CTNNA3: variants seen among roughly 807,000 people sequenced by gnomAD.
The protein encoded by CTNNA3 is catenin alpha 3.
Under a neutral mutation model 95.7 loss-of-function variants are expected in CTNNA3, and 76 were observed. That is an observed-to-expected ratio of 0.79 (90% CI 0.66 to 0.96). The LOEUF is 0.96. Ranked by LOEUF, CTNNA3 falls within the 40% of genes least tolerant of loss-of-function variation. CTNNA3 has a pLI of 0.00. For missense variants in CTNNA3, 1,191 were observed against 1,089.8 expected, an observed-to-expected ratio of 1.09 and a Z score of -1.31; for synonymous variants, 431 against 374.4, an observed-to-expected ratio of 1.15 and a Z score of -1.74.
At chr10:66,823,495 G>A (rs2132298018) in intron 7 of CTNNA3, among the ~76,000 whole-genome samples, 1 of 152,304 alleles carries the variant, frequency 6.6e-6, no homozygotes, top group South Asian at 2.1e-4. Flanking sequence ...CTAGTGGTCA[G>A]GCAGCTGGAG....
At chr10:66,817,438 A>G (rs966953654) in intron 7 of CTNNA3, among the ~76,000 whole-genome samples, 6 of 151,990 alleles carry the variant, frequency 3.9e-5, no homozygotes, top group African/African-American at 1.4e-4. Flanking sequence ...AACAACAAAA[A>G]AGAGAGAATT....
chr10:66,443,667 C>T (rs2093393241), intron 11 of CTNNA3, among the ~76,000 whole-genome samples: 1 of 151,880 alleles, frequency 6.6e-6, no homozygotes, highest in South Asian at 2.1e-4. Context: ...ACCAAAAACC[C>T]ATCTGTACGT....
intron 3 of CTNNA3, among the ~76,000 whole-genome samples, chr10:67,584,299 A>G (rs913842999): frequency 2.4e-4 from 36 of 152,212 alleles, no homozygotes; most frequent in Admixed American, 2.4e-3. Context: ...CAGGACCCTC[A>G]GGTGCAGGTC....
intron 17 of CTNNA3, among the ~76,000 whole-genome samples, chr10:65,950,073 T>G (rs2077584078): frequency 6.6e-6 from 1 of 152,124 alleles, no homozygotes; most frequent in South Asian, 2.1e-4. Context: ...TAATTATTAC[T>G]AGGAGTTATT....
At chr10:66,154,786 CTAT>C (rs2133914974) in intron 13 of CTNNA3, among the ~76,000 whole-genome samples, 1 of 131,908 alleles carries the variant, frequency 7.6e-6, no homozygotes, top group East Asian at 2.4e-4. Context: ...GGAAAATGTC[CTAT>C]TAATTTTTTA....
chr10:66,139,073 C>T (rs974856310), intron 13 of CTNNA3, among the ~76,000 whole-genome samples: 2 of 152,162 alleles, frequency 1.3e-5, no homozygotes, highest in African/African-American at 4.8e-5. Context: ...TTTCTCCTGA[C>T]TCAATGAAGG....
intron 5 of CTNNA3, among the ~76,000 whole-genome samples, chr10:67,324,779 C>T (rs1445753204): frequency 5.3e-5 from 8 of 151,836 alleles, no homozygotes; most frequent in Admixed American, 5.3e-4. Flanking sequence ...GAAGACCCTC[C>T]TTCTCACTTT....
At chr10:66,569,610 G>A (rs1416060716) in intron 10 of CTNNA3, among the ~76,000 whole-genome samples, 1 of 152,110 alleles carries the variant, frequency 6.6e-6, no homozygotes, top group Non-Finnish European at 1.5e-5. Flanking sequence ...ATTATTCTCA[G>A]AACATGAACT....
At chr10:66,589,142 C>G (rs1008603725) in intron 10 of CTNNA3, among the ~76,000 whole-genome samples, 7 of 151,618 alleles carry the variant, frequency 4.6e-5, no homozygotes, top group African/African-American at 1.5e-4. Flanking sequence ...TTCACTTTGT[C>G]CTGAAGTTGG....
chr10:67,163,715 A>G (rs1224869334), intron 7 of CTNNA3, among the ~76,000 whole-genome samples: 2 of 151,994 alleles, frequency 1.3e-5, no homozygotes, highest in Non-Finnish European at 2.9e-5. Flanking sequence ...ATAATTTTCT[A>G]TGTAGAAAAT....
chr10:66,605,833 C>G (rs1257074137), intron 10 of CTNNA3, among the ~76,000 whole-genome samples: 1 of 152,130 alleles, frequency 6.6e-6, no homozygotes, highest in African/African-American at 2.4e-5. Context: ...AGACTGTTAC[C>G]AGCCACTACA....
chr10:67,711,998 T>G (rs1043291023), intron 1 of CTNNA3, among the ~76,000 whole-genome samples: 1 of 152,062 alleles, frequency 6.6e-6, no homozygotes, highest in Non-Finnish European at 1.5e-5. Context: ...GATCTAGAAC[T>G]GGAAATACCA....
chr10:66,056,002 A>T (rs1436791934), intron 15 of CTNNA3, among the ~76,000 whole-genome samples: 1 of 150,812 alleles, frequency 6.6e-6, no homozygotes, highest in Non-Finnish European at 1.5e-5. Flanking sequence ...TTTCAATTTG[A>T]ATGACTTTTA....
chr10:67,160,439 T>C (rs1326063102), intron 7 of CTNNA3, among the ~76,000 whole-genome samples: 1 of 146,106 alleles, frequency 6.8e-6, no homozygotes, highest in East Asian at 2.0e-4. Flanking sequence ...ACATCTTTTT[T>C]TTTTTTTTTT....
At chr10:67,549,888 A>G (rs1218492149) in intron 3 of CTNNA3, among the ~76,000 whole-genome samples, 1 of 152,240 alleles carries the variant, frequency 6.6e-6, no homozygotes, top group Non-Finnish European at 1.5e-5. Flanking sequence ...GCAACAATGT[A>G]CGGCCCACAA....
intron 7 of CTNNA3, among the ~76,000 whole-genome samples, chr10:66,981,810 G>T (rs1188665241): frequency 6.6e-6 from 1 of 152,210 alleles, no homozygotes; most frequent in Non-Finnish European, 1.5e-5. Flanking sequence ...AACGACTTAA[G>T]AAGTGAGGAC....
At chr10:66,266,431 G>A (rs539244159) in intron 13 of CTNNA3, among the ~76,000 whole-genome samples, 1 of 152,026 alleles carries the variant, frequency 6.6e-6, no homozygotes, top group South Asian at 2.1e-4. Context: ...AATAAATAAG[G>A]CATTTGAAGG....
intron 7 of CTNNA3, among the ~76,000 whole-genome samples, chr10:66,967,923 G>T (rs770736744): frequency 1.2e-4 from 18 of 152,106 alleles, no homozygotes; most frequent in Non-Finnish European, 1.6e-4. Flanking sequence ...CTATGATTCA[G>T]TGTGTTTCAA....
chr10:67,478,138 A>C (rs909315929), intron 5 of CTNNA3, among the ~76,000 whole-genome samples: 2 of 152,228 alleles, frequency 1.3e-5, no homozygotes, highest in African/African-American at 4.8e-5. Flanking sequence ...AAAAATAAGA[A>C]AAAACTATTT....
Sources: allele counts gnomAD v4.1 joint callset (sites outside exome capture counted in the v4.1 genomes callset), GRCh38; gene constraint gnomAD v4.1.1; transcripts MANE v1.5; gene names NCBI Gene and HGNC (gene_info 2026-07-23, HGNC 2026-07-21).